Variants in ITPRID1 observed in about 807,000 individuals in gnomAD.
ITPRID1 encodes ITPR interacting domain containing 1, also known as protein ITPRID1.
A neutral mutation model predicts 95.4 loss-of-function variants in ITPRID1; 96 were observed. The ratio of observed to expected loss-of-function variants is 1.01; its 90% CI spans 0.85 to 1.19. ITPRID1 has a LOEUF of 1.19. ITPRID1 is among the 50% of genes most tolerant of loss of function. The pLI, the probability that ITPRID1 is intolerant of heterozygous loss-of-function variation, is 0.00. For synonymous variants in ITPRID1, 510 were observed against 453.6 expected (o/e 1.12, Z -1.58); for missense variants, 1,339 against 1,252.9 (o/e 1.07, Z -1.04).
chr7:31,623,679 C>T (rs1788151326), intron 10 of ITPRID1, among the ~76,000 whole-genome samples: 1 of 104,734 alleles, frequency 9.5e-6, no homozygotes, highest in African/African-American at 3.3e-5. Flanking sequence ...GAAGCATTCC[C>T]TTTGAAAACT....
chr7:31,657,951 G>A (rs1345412877), downstream of ITPRID1, among the ~76,000 whole-genome samples: 1 of 152,106 alleles, frequency 6.6e-6, no homozygotes, highest in East Asian at 1.9e-4. Context: ...TTAAAGCACA[G>A]GATCCTACCC....
intron 5 of ITPRID1, among the ~76,000 whole-genome samples, chr7:31,566,465 G>A (rs969623661): frequency 6.6e-6 from 1 of 152,192 alleles, no homozygotes; most frequent in African/African-American, 2.4e-5. Context: ...AATGTTTTAG[G>A]TGAAAATGGG....
chr7:31,631,537 T>C (rs1334413739), intron 10 of ITPRID1, among the ~76,000 whole-genome samples: 3 of 152,350 alleles, frequency 2.0e-5, no homozygotes, highest in East Asian at 3.9e-4. Flanking sequence ...CTTGTATTAC[T>C]TCTATCATAC....
Position 31,654,639 on chromosome 7 carries a change from C to G in ITPRID1, c.*1810C>G, listed in dbSNP as rs1388719480. 6.6e-6 allele frequency among the ~76,000 whole-genome samples: 1 copy of G among 152,076 alleles called. No individual in the cohort carries two copies. Among genetic ancestry groups the G allele is most frequent in the Admixed American group, 6.5e-5 (1 of 15,280 alleles). Reference sequence around the variant, plus strand: ...TTCAGCCTTGGAGGCTTGTGAGGCTCCCACCCCAGTGGAAATGCAGGGAAT... The same window carrying G: ...TTCAGCCTTGGAGGCTTGTGAGGCTGCCACCCCAGTGGAAATGCAGGGAAT... On this transcript the variant is annotated 3_prime_UTR_variant, in exon 15 of 15. Coordinates refer to ENST00000615280, the MANE Select transcript of ITPRID1 (RefSeq NM_001257967.3).
chr7:31,658,290 G>A (rs1384703925), downstream of ITPRID1: 6 of 1,504,514 alleles, frequency 4.0e-6, no homozygotes, highest in Non-Finnish European at 5.3e-6. Flanking sequence ...TGTCTGCAGA[G>A]CTGGATCCCT....
rs956252767 is a variant in ITPRID1 at position 31,554,665 on chromosome 7, G to A, written c.212+142G>A. On this transcript the variant is annotated intron_variant, in intron 4 of 14. Transcript: ENST00000615280. ...GTACGTGAAGTATTATTCTATTATT[G>A]TAAAAACTATGTATCAGTTTAAAAC... 3.5e-6 allele frequency: 4 copies of A among 1,135,230 alleles called. No individual in the cohort carries two copies. The East Asian group carries it at 7.7e-5, about 22-fold the overall frequency. 70.3% of individuals were successfully genotyped at this position (1,135,230 alleles called of 1,614,324 possible). A position where few individuals can be genotyped will look rare whatever the true frequency, so the allele number is the denominator to read the frequency against.
Position 31,643,159 on chromosome 7 carries a change from C to T in ITPRID1, c.1789C>T (p.Gln597Ter), listed in dbSNP as rs147656859. Residue 597 changes from glutamine (Q) to a stop codon, truncating the protein, a stop_gained, in exon 12 of 15, where the codon CAA becomes TAA. Transcript: ENST00000615280. LOFTEE classifies it high-confidence loss of function. Reference protein sequence around the residue: ...GKVQSHHNESQRSPGNDHTQD... With the variant: ...GKVQSHHNES Reference sequence around the variant, plus strand: ...AGTGCAAAGCCACCACAATGAGTCTCAAAGGTCACCTGGAAATGATCATAC... The same window carrying T: ...AGTGCAAAGCCACCACAATGAGTCTTAAAGGTCACCTGGAAATGATCATAC... The T allele has an allele frequency of 2.5e-6, 4 of 1,613,854 alleles. No individual in the cohort carries two copies. Among genetic ancestry groups the T allele is most frequent in the Non-Finnish European group, 3.4e-6 (4 of 1,179,898 alleles).
Position 31,655,620 on chromosome 7 carries a change from C to A in ITPRID1, c.*2791C>A, listed in dbSNP as rs887100369. Among the ~76,000 whole-genome samples, 1 of 152,178 alleles carries A rather than the reference C, an allele frequency of 6.6e-6. No individual in the cohort carries two copies. Among genetic ancestry groups the A allele is most frequent in the Admixed American group, 6.5e-5 (1 of 15,280 alleles). The stretch of plus-strand genomic sequence containing the variant: ...AAGTCCAGGCCCTGGAGTTATTATG[C>A]GCCTCTCGTCGCCTCCCACTGCATC... On this transcript the variant is annotated 3_prime_UTR_variant, in exon 15 of 15. Transcript: ENST00000615280.
intron 10 of ITPRID1, among the ~76,000 whole-genome samples, chr7:31,605,136 T>G: frequency 2.6e-5 from 1 of 38,724 alleles, no homozygotes; most frequent in Admixed American, 2.9e-4. Flanking sequence ...AGACCCCATC[T>G]CAAAAAAAAA....
intron 10 of ITPRID1, among the ~76,000 whole-genome samples, chr7:31,590,966 T>G (rs1231409452): frequency 1.3e-5 from 2 of 152,216 alleles, no homozygotes; most frequent in Non-Finnish European, 2.9e-5. Flanking sequence ...GTGCCAGGTT[T>G]CAAATTCAGC....
Position 31,643,468 on chromosome 7 carries a change from C to T in ITPRID1, c.2098C>T (p.Leu700=). 1.2e-6 allele frequency: 2 copies of T among 1,614,024 alleles called. No individual in the cohort carries two copies. The highest frequency in any genetic ancestry group is 1.7e-6 in the Non-Finnish European group (2 of 1,179,902). ...AGAAGCTGAGATGGAAAACCTTCCT[C>T]TAAATACTGGCAGCTCCAGGTCTGT... The part of the protein sequence containing the change: ...GTEAEMENLP[L]NTGSSRSVMT... The change falls in exon 12 of 15, where the codon CTA becomes TTA. Residue 700 remains leucine (L), a synonymous_variant. Transcript: ENST00000615280.
chr7:31,595,483 A>G (rs569251439), intron 10 of ITPRID1, among the ~76,000 whole-genome samples: 1 of 152,162 alleles, frequency 6.6e-6, no homozygotes, highest in African/African-American at 2.4e-5. Context: ...CAAAATGACA[A>G]ACCCAGTACT....
Position 31,577,937 on chromosome 7 carries a change from C to T in ITPRID1, c.673C>T (p.Leu225=). The change falls in exon 9 of 15, where the codon CTG becomes TTG. Residue 225 remains leucine (L), a synonymous_variant. Transcript: ENST00000615280. Reference sequence around the variant, plus strand: ...ATCTCTGCTGAGTGATGTCAGCATCCTGCCAAACAGAGCTGAAGAGAAAGC... The same window carrying T: ...ATCTCTGCTGAGTGATGTCAGCATCTTGCCAAACAGAGCTGAAGAGAAAGC... ...FSSLLSDVSI[L]PNRAEEKAGG... is the part of the protein sequence containing the mutation. The T allele has an allele frequency of 6.2e-7, 1 of 1,613,692 alleles. No individual in the cohort carries two copies. Among genetic ancestry groups the T allele is most frequent in the East Asian group, 2.2e-5 (1 of 44,820 alleles).
chr7:31,615,847 G>C (rs1342085119), intron 10 of ITPRID1, among the ~76,000 whole-genome samples: 1 of 151,702 alleles, frequency 6.6e-6, no homozygotes, highest in Non-Finnish European at 1.5e-5. Context: ...TCTGCCTCCT[G>C]GGTTCACGCC....
At chr7:31,637,446 G>A (rs539453392) in intron 10 of ITPRID1, among the ~76,000 whole-genome samples, 20 of 152,112 alleles carry the variant, frequency 1.3e-4, no homozygotes, top group African/African-American at 4.3e-4. Flanking sequence ...GTGTGAGATG[G>A]TATCTCATTG....
At chr7:31,526,264 C>T (rs866421140) in intron 1 of ITPRID1, among the ~76,000 whole-genome samples, 1 of 152,194 alleles carries the variant, frequency 6.6e-6, no homozygotes, top group Admixed American at 6.5e-5. Context: ...TGGTCTCTGA[C>T]ATATGATGAT....
chr7:31,599,690 C>CTCTCTCTCTCTCTCTCTCTT (rs1180791810), intron 10 of ITPRID1, among the ~76,000 whole-genome samples: 3 of 106,646 alleles, frequency 2.8e-5, no homozygotes, highest in African/African-American at 1.3e-4. Flanking sequence ...CTCTCTCTCT[C>CTCTCTCTCTCTCTCTCTCTT]TCTTTCTTTC....
intron 3 of ITPRID1, among the ~76,000 whole-genome samples, chr7:31,553,570 T>G (rs923361129): frequency 6.6e-6 from 1 of 152,212 alleles, no homozygotes; most frequent in African/African-American, 2.4e-5. Flanking sequence ...GACAAAAATT[T>G]TAATCATTTA....
chr7:31,517,528 C>G (rs185624605), intron 1 of ITPRID1: 1 of 153,314 alleles, frequency 6.5e-6, no homozygotes, highest in Non-Finnish European at 1.5e-5. Flanking sequence ...TTGTGGCCAA[C>G]GACCCCACGA....
Sources: allele counts gnomAD v4.1 joint callset (sites outside exome capture counted in the v4.1 genomes callset), GRCh38; gene constraint gnomAD v4.1.1; transcripts MANE v1.5; gene names NCBI Gene and HGNC (gene_info 2026-07-23, HGNC 2026-07-21).